The following AHNAK variants were observed in gnomAD, a reference collection of about 807,000 sequenced individuals.
The protein encoded by AHNAK is AHNAK nucleoprotein, also known as neuroblast differentiation-associated protein AHNAK.
Under a neutral mutation model 37.8 loss-of-function variants are expected in AHNAK, and 23 were observed. That is an observed-to-expected ratio of 0.61 (90% CI 0.44 to 0.86). AHNAK has a LOEUF of 0.86. Ranked by LOEUF, AHNAK falls within the 40% of genes least tolerant of loss-of-function variation. AHNAK has a pLI of 0.00. For synonymous variants in AHNAK, 2,481 were observed against 2,636.3 expected (o/e 0.94, Z 1.80); for missense variants, 7,411 against 7,319.4 (o/e 1.01, Z -0.46).
intron 5 of AHNAK, among the ~76,000 whole-genome samples, chr11:62,463,471 G>GCCTCCAT (rs1938835356): frequency 6.6e-6 from 1 of 151,792 alleles, no homozygotes; most frequent in Admixed American, 6.6e-5. Context: ...CCAGCCTCCA[G>GCCTCCAT]CCTCCAGCCT....
Position 62,519,460 on chromosome 11 carries a change from C to A in AHNAK, c.14957G>T (p.Ser4986Ile). 6.2e-7 allele frequency: 1 copy of A among 1,612,086 alleles called. No homozygotes were observed. Among genetic ancestry groups the A allele is most frequent in the Non-Finnish European group, 8.5e-7 (1 of 1,179,442 alleles). Residue 4986 changes from serine (S) to isoleucine (I), a missense_variant, in exon 5 of 5, where the codon AGC becomes ATC. Transcript: ENST00000378024. ...KKPKFGFGAKSPKADIKSPSL... is the reference protein window; with the variant it reads ...KKPKFGFGAKIPKADIKSPSL... Reference sequence around the variant, plus strand: ...AGGTGACTTGATGTCAGCTTTGGGGCTTTTTGCCCCAAATCCAAACTTGGG... The same window carrying A: ...AGGTGACTTGATGTCAGCTTTGGGGATTTTTGCCCCAAATCCAAACTTGGG...
In AHNAK at chr11:62,531,084, T is replaced by G. The variant is rs769515013; in HGVS notation, c.3333A>C (p.Lys1111Asn). 2 of 1,613,834 alleles carry G rather than the reference T, an allele frequency of 1.2e-6. No homozygotes were observed. Among genetic ancestry groups the G allele is most frequent in the South Asian group, 2.2e-5 (2 of 91,058 alleles). Residue 1111 changes from lysine (K) to asparagine (N), a missense_variant, in exon 5 of 5, where the codon AAA (lysine) becomes AAC (asparagine). Lys to Asn is a moderately conservative substitution (Grantham distance 94). Coordinates refer to ENST00000378024, the MANE Select transcript of AHNAK (RefSeq NM_001620.3). ...GGCCTTGGCCTTCCACATCTGGTGC[T>G]TTAATATCTACCTTGGGACCTCTGA... is the stretch of plus-strand genomic sequence containing the variant. ...VDIRGPKVDI[K>N]APDVEGQGLD...
Position 62,527,945 on chromosome 11 carries a change from C to T in AHNAK, c.6472G>A (p.Val2158Ile), listed in dbSNP as rs1186165544. ...TTTGCATCAGGACACTCCAGCTCAACATCAGGCACCTCCACATCCACACTG... is the reference window on the plus strand; with the variant it reads ...TTTGCATCAGGACACTCCAGCTCAATATCAGGCACCTCCACATCCACACTG... ...GPSVDVEVPD[V>I]ELECPDAKLK... The change falls in exon 5 of 5, where the codon GTT becomes ATT. Residue 2158 changes from valine (V) to isoleucine (I), a missense_variant. Transcript: ENST00000378024. The T allele has an allele frequency of 2.5e-6, 4 of 1,613,524 alleles. No homozygotes were observed. The highest frequency in any genetic ancestry group is 3.4e-6 in the Non-Finnish European group (4 of 1,179,798).
At chr11:62,491,772 G>C (rs772177391) in exon 5 of AHNAK, 1 of 1,612,988 alleles carries the variant, frequency 6.2e-7, no homozygotes, top group South Asian at 1.1e-5. Flanking sequence ...CGGCTTGGCT[G>C]CTGGCTTCCT....
rs1191807556 is a variant in AHNAK, at chr11:62,532,147, A to G, written c.2270T>C (p.Phe757Ser). 6 of 1,613,232 alleles carry G rather than the reference A, an allele frequency of 3.7e-6. No homozygotes were observed. The East Asian group carries it at 1.3e-4, about 36-fold the overall frequency. Residue 757 changes from phenylalanine (F) to serine (S), a missense_variant, in exon 5 of 5, where the codon TTC becomes TCC. Transcript: ENST00000378024. ...LKMPKMKMPK[F>S]SVPGFKAEGP... ...CTCTGCTTTGAACCCTGGCACACTG[A>G]ATTTGGGCATTTTCATCTTGGGCAT...
intron 5 of AHNAK, among the ~76,000 whole-genome samples, chr11:62,450,042 C>T (rs1386310987): frequency 2.0e-5 from 3 of 152,070 alleles, no homozygotes; most frequent in Non-Finnish European, 4.4e-5. Flanking sequence ...CCCAGGAGTT[C>T]AAGACCAGCC....
Position 62,526,073 on chromosome 11 carries a change from C to T in AHNAK, c.8344G>A (p.Glu2782Lys). The change falls in exon 5 of 5, where the codon GAA becomes AAA. Residue 2782 changes from glutamate (E) to lysine (K), a missense_variant. By Grantham distance (56) the Glu-to-Lys change is moderately conservative. Transcript: ENST00000378024. ...AGGTTCACGTCCACATCTGGACCTTCTCCTTTGAAGCCAGGCATGCTGATC... is the reference window on the plus strand; with the variant it reads ...AGGTTCACGTCCACATCTGGACCTTTTCCTTTGAAGCCAGGCATGCTGATC... The part of the protein sequence containing the change: ...PKISMPGFKG[E>K]GPDVDVNLPK... The T allele has an allele frequency of 6.2e-7, 1 of 1,613,394 alleles. No individual in the cohort carries two copies. The highest frequency in any genetic ancestry group is 1.1e-5 in the South Asian group (1 of 91,044).
chr11:62,528,975 T>C lies in AHNAK; in HGVS notation c.5442A>G (p.Gln1814=), dbSNP rs1443322154. ...PELEGDLRGP[Q]VDVKGPFVEA... is the part of the protein sequence containing the mutation. ...CCACAAAAGGACCTTTGACATCAAC[T>C]TGCGGCCCTCTGAGATCACCTTCCA... Residue 1814 remains glutamine (Q), a synonymous_variant, in exon 5 of 5, where the codon CAA becomes CAG. Coordinates refer to ENST00000378024, the MANE Select transcript of AHNAK (RefSeq NM_001620.3). The C allele has an allele frequency of 5.6e-6, 9 of 1,614,012 alleles. No homozygotes were observed. In the South Asian group the frequency reaches 8.8e-5, roughly 16 times the overall value.
intron 5 of AHNAK, among the ~76,000 whole-genome samples, chr11:62,475,898 C>T (rs1375332411): frequency 6.6e-6 from 1 of 152,134 alleles, no homozygotes; most frequent in East Asian, 1.9e-4. Flanking sequence ...AGCCACCGCC[C>T]CCGGCTATAT....
At chr11:62,478,334 C>G (rs1008305567) in intron 5 of AHNAK, among the ~76,000 whole-genome samples, 3 of 152,276 alleles carry the variant, frequency 2.0e-5, no homozygotes, top group African/African-American at 7.2e-5. Context: ...CACCCCAGGG[C>G]TCCCCAACAA....
At chr11:62,509,985 A>G (rs953738715) in intron 4 of AHNAK, among the ~76,000 whole-genome samples, 1 of 152,214 alleles carries the variant, frequency 6.6e-6, no homozygotes, top group Non-Finnish European at 1.5e-5. Context: ...TTAAAGATAT[A>G]CTACATATTA....
intron 5 of AHNAK, among the ~76,000 whole-genome samples, chr11:62,474,686 G>A (rs548750163): frequency 1.3e-5 from 2 of 152,318 alleles, no homozygotes; most frequent in East Asian, 1.9e-4. Flanking sequence ...AATATAAAGA[G>A]CCAGGGACTG....
At chr11:62,501,856 C>T (rs893971758) in intron 4 of AHNAK, among the ~76,000 whole-genome samples, 1 of 152,220 alleles carries the variant, frequency 6.6e-6, no homozygotes, top group African/African-American at 2.4e-5. Flanking sequence ...AAGCCAGCCC[C>T]GCATTGCTGC....
At chr11:62,538,367 G>A (rs1941019927) in intron 1 of AHNAK, among the ~76,000 whole-genome samples, 1 of 152,208 alleles carries the variant, frequency 6.6e-6, no homozygotes, top group African/African-American at 2.4e-5. Context: ...CAGCCACAAG[G>A]TGAGCTGTCA....
chr11:62,527,568 G>C lies in AHNAK; in HGVS notation c.6849C>G (p.Val2283=). The C allele has an allele frequency of 6.2e-7, 1 of 1,612,316 alleles. No individual in the cohort carries two copies. The highest frequency in any genetic ancestry group is 8.5e-7 in the Non-Finnish European group (1 of 1,179,580). ...DVSGPKVDVE[V]PDVSLEGPEG... is the part of the protein sequence containing the mutation. ...CTGGACCTTCAAGGCTCACATCTGG[G>C]ACTTCAACATCCACCTTGGGTCCTG... The change falls in exon 5 of 5, where the codon GTC becomes GTG. Residue 2283 remains valine, a synonymous_variant. Transcript: ENST00000378024.
chr11:62,530,839 G>T lies in AHNAK; in HGVS notation c.3578C>A (p.Pro1193His). The T allele has an allele frequency of 6.2e-7, 1 of 1,613,632 alleles. No homozygotes were observed. Among genetic ancestry groups the T allele is most frequent in the African/African-American group, 1.3e-5 (1 of 74,814 alleles). The change falls in exon 5 of 5, where the codon CCC becomes CAC. Residue 1193 changes from proline (P) to histidine (H), a missense_variant. Pro to His is a moderately conservative substitution (Grantham distance 77, BLOSUM62 -2). Transcript: ENST00000378024. ...GTCCACATCAGGCATGGAGATCTTG[G>T]GGGTCTTGAAATGCATCTCAGGCAT... The part of the protein sequence containing the change: ...FKMPEMHFKT[P>H]KISMPDVDLH...
intron 5 of AHNAK, among the ~76,000 whole-genome samples, chr11:62,457,821 A>C (rs776153205): frequency 1.3e-5 from 2 of 151,946 alleles, no homozygotes; most frequent in Non-Finnish European, 2.9e-5. Context: ...AAAACTACCT[A>C]CTGGTGGTAC....
chr11:62,531,766 T>G lies in AHNAK; in HGVS notation c.2651A>C (p.Lys884Thr). 6.2e-7 allele frequency: 1 copy of G among 1,613,592 alleles called. No individual in the cohort carries two copies. Among genetic ancestry groups the G allele is most frequent in the South Asian group, 1.1e-5 (1 of 91,056 alleles). ...HLKMPKMKMP[K>T]FSMPGFKAEG... ...TGCTTTGAAGCCAGGCATGCTGAACTTGGGCATTTTCATCTTGGGCATCTT... is the reference window on the plus strand; with the variant it reads ...TGCTTTGAAGCCAGGCATGCTGAACGTGGGCATTTTCATCTTGGGCATCTT... Residue 884 changes from lysine to threonine, a missense_variant, in exon 5 of 5, where the codon AAG (lysine) becomes ACG (threonine). By Grantham distance (78) the Lys-to-Thr change is moderately conservative. Coordinates refer to ENST00000378024, the MANE Select transcript of AHNAK (RefSeq NM_001620.3).
chr11:62,537,478 A>C (rs556273026), intron 1 of AHNAK: 1 of 151,850 alleles, frequency 6.6e-6, no homozygotes, highest in South Asian at 2.1e-4. Context: ...CTGGTCCGGA[A>C]CTCCTGGGCT....
Sources: gnomAD v4.1 joint callset for allele counts (sites outside exome capture counted in the v4.1 genomes callset) on GRCh38, gnomAD v4.1.1 for gene constraint, MANE v1.5 for transcripts, NCBI Gene and HGNC (gene_info 2026-07-23, HGNC 2026-07-21) for gene names.